The following PIGU variants were observed in gnomAD, a reference collection of about 807,000 sequenced individuals.
PIGU encodes the protein GPI-anchor transamidase component PIGU.
PIGU carries 24 observed loss-of-function variants against 49.9 expected under a neutral mutation model. The observed-to-expected ratio is 0.48, with a 90% CI of 0.35 to 0.68. The LOEUF (loss-of-function observed/expected upper bound fraction) is 0.68, where lower values mean the gene tolerates loss of function less well. Among genes scored for constraint, PIGU ranks in the 30% least tolerant of loss-of-function variants. PIGU has a pLI of 0.01. For missense variants in PIGU, 490 were observed against 532.6 expected (o/e 0.92, Z 0.79); for synonymous variants, 220 against 205.7 (o/e 1.07, Z -0.59).
At chr20:34,673,138 C>CA (rs1987365377) in intron 1 of PIGU, among the ~76,000 whole-genome samples, 1 of 151,188 alleles carries the variant, frequency 6.6e-6, no homozygotes, top group African/African-American at 2.4e-5. Context: ...CCTGTAGTCC[C>CA]AGCTACTCGG....
chr20:34,672,677 A>AC (rs1442388433), intron 1 of PIGU, among the ~76,000 whole-genome samples: 1 of 151,394 alleles, frequency 6.6e-6, no homozygotes, highest in African/African-American at 2.4e-5. Flanking sequence ...ATATATTGAG[A>AC]CCCCATCTCT....
At chr20:34,666,287 T>C (rs1049812624) in intron 1 of PIGU, among the ~76,000 whole-genome samples, 3 of 152,086 alleles carry the variant, frequency 2.0e-5, no homozygotes, top group East Asian at 1.9e-4. Flanking sequence ...AAGATACCCA[T>C]AGAACTCAAC....
chr20:34,570,534 C>T (rs899565565), intron 11 of PIGU, among the ~76,000 whole-genome samples: 4 of 152,144 alleles, frequency 2.6e-5, no homozygotes, highest in Non-Finnish European at 5.9e-5. Flanking sequence ...TCTACCTCAG[C>T]CTCCCGAATA....
At chr20:34,625,895 G>A (rs1270469259) in intron 6 of PIGU, among the ~76,000 whole-genome samples, 1 of 148,942 alleles carries the variant, frequency 6.7e-6, no homozygotes, top group Non-Finnish European at 1.5e-5. Context: ...GAGTGGCCTG[G>A]GTGACAGAGT....
At chr20:34,609,857 G>C (rs926567592) in intron 7 of PIGU, among the ~76,000 whole-genome samples, 1 of 152,058 alleles carries the variant, frequency 6.6e-6, no homozygotes, top group African/African-American at 2.4e-5. Context: ...TTGAATCATG[G>C]GGATGGTTAC....
chr20:34,577,834 G>A (rs114196564), intron 10 of PIGU, among the ~76,000 whole-genome samples: 2,097 of 152,292 alleles, frequency 0.014, 52 homozygotes, highest in African/African-American at 0.048. Flanking sequence ...AAGCTTCCCA[G>A]GTAATTCCAA....
intron 1 of PIGU, among the ~76,000 whole-genome samples, chr20:34,676,519 A>G (rs1331666982): frequency 6.6e-6 from 1 of 152,164 alleles, no homozygotes; most frequent in Non-Finnish European, 1.5e-5. Context: ...CGCTTAAGCA[A>G]AATTGGTCCC....
chr20:34,622,098 C>A (rs1196210615), intron 6 of PIGU, among the ~76,000 whole-genome samples: 1 of 152,120 alleles, frequency 6.6e-6, no homozygotes, highest in Non-Finnish European at 1.5e-5. Context: ...ACAAAAGGGG[C>A]TCCCGTGGAT....
intron 9 of PIGU, among the ~76,000 whole-genome samples, chr20:34,584,127 C>T (rs895499325): frequency 2.6e-5 from 4 of 152,156 alleles, no homozygotes; most frequent in Non-Finnish European, 4.4e-5. Context: ...ATCCCAGCTC[C>T]ACTGCTTACT....
At chr20:34,640,756 T>C (rs1414833326) in intron 4 of PIGU, among the ~76,000 whole-genome samples, 1 of 152,196 alleles carries the variant, frequency 6.6e-6, no homozygotes, top group Admixed American at 6.5e-5. Flanking sequence ...GTAAGTTATA[T>C]TAAAAAATCA....
At chr20:34,612,618 T>C (rs1204717790) in intron 7 of PIGU, among the ~76,000 whole-genome samples, 1 of 151,182 alleles carries the variant, frequency 6.6e-6, no homozygotes, top group Non-Finnish European at 1.5e-5. Flanking sequence ...TCTTTCCTTT[T>C]CTTTTTTTTT....
chr20:34,639,702 C>G (rs888895000), intron 4 of PIGU, among the ~76,000 whole-genome samples: 12 of 152,136 alleles, frequency 7.9e-5, no homozygotes, highest in African/African-American at 2.9e-4. Context: ...TAAACTTGCA[C>G]AGGTTTAGGT....
chr20:34,582,552 T>C (rs1473418453), intron 9 of PIGU, among the ~76,000 whole-genome samples: 2 of 152,116 alleles, frequency 1.3e-5, no homozygotes, highest in East Asian at 3.9e-4. Context: ...TGGTGGCATA[T>C]GGCTGTAATC....
chr20:34,659,424 A>T (rs1600668051), intron 1 of PIGU, among the ~76,000 whole-genome samples: 2 of 128,094 alleles, frequency 1.6e-5, no homozygotes, highest in Non-Finnish European at 3.2e-5. Context: ...TCCGGGAGGG[A>T]GGTGGGGGGG....
chr20:34,563,513 T>C (rs1157739198), intron 11 of PIGU, among the ~76,000 whole-genome samples: 1 of 151,786 alleles, frequency 6.6e-6, no homozygotes, highest in East Asian at 1.9e-4. Flanking sequence ...GATGCGCCAT[T>C]GCACTCCAGC....
At position 34,585,577 on chromosome 20, in the gene PIGU, A is replaced by G. The variant is rs139115875; in HGVS notation, c.786T>C (p.Leu262=). The change falls in exon 9 of 12, where the codon CTT becomes CTC. Residue 262 remains leucine (L), a synonymous_variant. Coordinates refer to ENST00000217446, the MANE Select transcript of PIGU (RefSeq NM_080476.5). The part of the protein sequence containing the change: ...DFIPAVYGFI[L]SVPDLTPNIG... Reference sequence around the variant, plus strand: ...TGTTTGGAGTGAGATCTGGAACAGAAAGTCTGGAATTAAGAAAACAAAGGG... The same window carrying G: ...TGTTTGGAGTGAGATCTGGAACAGAGAGTCTGGAATTAAGAAAACAAAGGG... 6.8e-5 allele frequency: 109 copies of G among 1,613,082 alleles called. No homozygotes were observed. The African/African-American group carries it at 1.2e-3, about 18-fold the overall frequency.
intron 2 of PIGU, among the ~76,000 whole-genome samples, chr20:34,651,982 T>A (rs1437355471): frequency 6.6e-6 from 1 of 152,066 alleles, no homozygotes; most frequent in South Asian, 2.1e-4. Flanking sequence ...GCATCTGTAG[T>A]CCCAGCTATT....
intron 2 of PIGU, among the ~76,000 whole-genome samples, chr20:34,651,930 C>A (rs191813930): frequency 4.2e-4 from 64 of 151,812 alleles, no homozygotes; most frequent in Middle Eastern, 3.4e-3. Flanking sequence ...AAAGTGAGAC[C>A]CCCCCCATCT....
At chr20:34,632,234 G>A (rs1482744248) in intron 6 of PIGU, among the ~76,000 whole-genome samples, 1 of 151,906 alleles carries the variant, frequency 6.6e-6, no homozygotes, top group Non-Finnish European at 1.5e-5. Flanking sequence ...AGACAATGAA[G>A]CAATGCCTTC....
Sources: gnomAD v4.1 joint callset for allele counts (sites outside exome capture counted in the v4.1 genomes callset) on GRCh38, gnomAD v4.1.1 for gene constraint, MANE v1.5 for transcripts, NCBI Gene and HGNC (gene_info 2026-07-23, HGNC 2026-07-21) for gene names.